The following FLRT2 variants were observed in gnomAD, a reference collection of about 807,000 sequenced individuals.
The protein encoded by FLRT2 is leucine-rich repeat transmembrane protein FLRT2.
Under a neutral mutation model 40.0 loss-of-function variants are expected in FLRT2, and 15 were observed. That is an observed-to-expected ratio of 0.38 (90% confidence interval 0.25 to 0.58). The LOEUF is 0.58. Ranked by LOEUF, FLRT2 falls within the 20% of genes least tolerant of loss-of-function variation. FLRT2 has a pLI of 0.71. For synonymous variants in FLRT2, 380 were observed against 336.8 expected, an observed-to-expected ratio of 1.13 and a Z score of -1.41; for missense variants, 726 against 840.0, an observed-to-expected ratio of 0.86 and a Z score of 1.68.
At chr14:85,552,860 G>A (rs1013404674) in intron 1 of FLRT2, 1 of 152,004 alleles carries the variant, frequency 6.6e-6, no homozygotes, top group Admixed American at 6.6e-5. Flanking sequence ...AATGACTTTT[G>A]TTGCTCATGT....
In FLRT2 at chr14:85,623,071, G is replaced by A. The variant is rs1164079411; in HGVS notation, c.1557G>A (p.Leu519=). 1.9e-6 allele frequency: 3 copies of A among 1,614,154 alleles called. No homozygotes were observed. Among genetic ancestry groups the A allele is most frequent in the African/African-American group, 2.7e-5 (2 of 75,034 alleles). The change falls in exon 2 of 2, where the codon CTG becomes CTA. Residue 519 remains leucine, a synonymous_variant. Coordinates refer to ENST00000330753, the MANE Select transcript of FLRT2 (RefSeq NM_013231.6). ...CSEATTHASY[L]NNGSNTASSH... ...AGGCCACCACCCATGCCTCCTATCT[G>A]AACAACGGCAGCAACACAGCGTCCA...
chr14:85,648,011 T>C lies in FLRT2; in HGVS notation c.*24514T>C, dbSNP rs1452372269. ...TACTGACTTTTTACCTCTTTCTTTTTCCCTACAATTTTATAAAAATGGTGA... is the reference window on the plus strand; with the variant it reads ...TACTGACTTTTTACCTCTTTCTTTTCCCCTACAATTTTATAAAAATGGTGA... On this transcript the variant is annotated 3_prime_UTR_variant, in exon 2 of 2. Coordinates refer to ENST00000330753, the MANE Select transcript of FLRT2 (RefSeq NM_013231.6). The C allele has an allele frequency of 1.3e-5, 2 of 152,126 alleles. No individual in the cohort carries two copies. The highest frequency in any genetic ancestry group is 4.8e-5 in the African/African-American group (2 of 41,418). 9.4% of individuals were successfully genotyped at this position (152,126 alleles called of 1,614,324 possible).
At chr14:85,606,668 G>A (rs1349526468) in intron 1 of FLRT2, among the ~76,000 whole-genome samples, 1 of 151,140 alleles carries the variant, frequency 6.6e-6, no homozygotes, top group African/African-American at 2.4e-5. Context: ...TGGATTACAG[G>A]CACGCACCAC....
intron 1 of FLRT2, among the ~76,000 whole-genome samples, chr14:85,546,862 C>A (rs1461878422): frequency 6.6e-6 from 1 of 152,138 alleles, no homozygotes; most frequent in Non-Finnish European, 1.5e-5. Context: ...CCAATAAAGT[C>A]CTACTTGTGC....
Position 85,622,410 on chromosome 14 carries a change from T to C in FLRT2, c.896T>C (p.Leu299Pro). 1 of 1,614,090 alleles carries C rather than the reference T, an allele frequency of 6.2e-7. No homozygotes were observed. The highest frequency in any genetic ancestry group is 8.5e-7 in the Non-Finnish European group (1 of 1,180,020). Residue 299 changes from leucine to proline, a missense_variant, in exon 2 of 2, where the codon CTC becomes CCC. Leu to Pro is a moderately conservative substitution (Grantham distance 98, BLOSUM62 -3). Coordinates refer to ENST00000330753, the MANE Select transcript of FLRT2 (RefSeq NM_013231.6). ...RMLTQGVFDN[L>P]SNLKQLTARN... ...CTGACTCAAGGGGTTTTTGATAATCTCTCCAACCTGAAGCAGCTCACTGCT... is the reference window on the plus strand; with the variant it reads ...CTGACTCAAGGGGTTTTTGATAATCCCTCCAACCTGAAGCAGCTCACTGCT...
At chr14:85,530,818 C>T (rs1177353783) in intron 1 of FLRT2, among the ~76,000 whole-genome samples, 1 of 152,102 alleles carries the variant, frequency 6.6e-6, no homozygotes, top group East Asian at 1.9e-4. Context: ...CTGGTAGATG[C>T]ATCGATGCTA....
Position 85,631,273 on chromosome 14 carries a change from G to C in FLRT2, c.*7776G>C, listed in dbSNP as rs977691710. On this transcript the variant is annotated 3_prime_UTR_variant, in exon 2 of 2. Coordinates refer to ENST00000330753, the MANE Select transcript of FLRT2 (RefSeq NM_013231.6). Reference sequence around the variant, plus strand: ...TTTGTCCTTTAAGATACAAGTCAAAGACCTCTCTTCCAAAGCCGCTGGAAT... The same window carrying C: ...TTTGTCCTTTAAGATACAAGTCAAACACCTCTCTTCCAAAGCCGCTGGAAT... The C allele has an allele frequency of 7.3e-5, 11 of 151,558 alleles. No individual in the cohort carries two copies. The highest frequency in any genetic ancestry group is 2.4e-4 in the African/African-American group (10 of 41,128). The allele number at this position is 151,558 out of a possible 1,614,324, so 9.4% of individuals were successfully genotyped here.
chr14:85,536,507 C>G (rs1888667721), intron 1 of FLRT2, among the ~76,000 whole-genome samples: 1 of 152,102 alleles, frequency 6.6e-6, no homozygotes. Flanking sequence ...GGATAATCAT[C>G]TTTTGATATC....
Position 85,621,186 on chromosome 14 carries a change from G to A in FLRT2, c.-329G>A. ...GAAGTTCGTAGGCTAATCAAGGCTG[G>A]CTTGACCTACAAAAGAAGAAGAGAG... On this transcript the variant is annotated 5_prime_UTR_variant, in exon 2 of 2. Transcript: ENST00000330753. The A allele has an allele frequency of 2.9e-6, 1 of 346,212 alleles. No homozygotes were observed. The highest frequency in any genetic ancestry group is 5.2e-6 in the Non-Finnish European group (1 of 190,960). 21.4% of individuals were successfully genotyped at this position (346,212 alleles called of 1,614,324 possible). A position where few individuals can be genotyped will look rare whatever the true frequency, so the allele number is the denominator to read the frequency against.
At chr14:85,548,543 A>G (rs1395915778) in intron 1 of FLRT2, among the ~76,000 whole-genome samples, 1 of 152,220 alleles carries the variant, frequency 6.6e-6, no homozygotes, top group Non-Finnish European at 1.5e-5. Context: ...TGATAGCCAA[A>G]TTAATTGTGC....
At chr14:85,613,937 T>G (rs1893009402) in intron 1 of FLRT2, among the ~76,000 whole-genome samples, 1 of 152,316 alleles carries the variant, frequency 6.6e-6, no homozygotes, top group African/African-American at 2.4e-5. Flanking sequence ...AAGTAAAAGT[T>G]GATGGATTCA....
At position 85,543,929 on chromosome 14, in the gene FLRT2, G is replaced by A. The variant is rs557693335; in HGVS notation, c.-377+13395G>A. ...ATGTGTCTGCTTACATGTCTATCTC[G>A]CTCATTAGACTTTAGGAACTTTGGC... is the stretch of plus-strand genomic sequence containing the variant. On this transcript the variant is annotated intron_variant, in intron 1 of 1. Coordinates refer to ENST00000330753, the MANE Select transcript of FLRT2 (RefSeq NM_013231.6). Among the ~76,000 whole-genome samples the A allele has an allele frequency of 4.0e-5, 6 of 151,892 alleles. No homozygotes were observed. In the East Asian group the frequency reaches 5.8e-4, roughly 15 times the overall value.
Position 85,645,002 on chromosome 14 carries a change from C to A in FLRT2, c.*21505C>A, listed in dbSNP as rs1186771230. On this transcript the variant is annotated 3_prime_UTR_variant, in exon 2 of 2. Coordinates refer to ENST00000330753, the MANE Select transcript of FLRT2 (RefSeq NM_013231.6). ...CTTGTGAGGGACAGTTCTTGTCTTGCTAATAGAAATAGATGCCGAAAGAGG... is the reference window on the plus strand; with the variant it reads ...CTTGTGAGGGACAGTTCTTGTCTTGATAATAGAAATAGATGCCGAAAGAGG... The A allele has an allele frequency of 6.6e-6, 1 of 152,028 alleles. No individual in the cohort carries two copies. The highest frequency in any genetic ancestry group is 2.4e-5 in the African/African-American group (1 of 41,388). 9.4% of individuals were successfully genotyped at this position (152,028 alleles called of 1,614,324 possible). A position where few individuals can be genotyped will look rare whatever the true frequency, so the allele number is the denominator to read the frequency against.
rs1427636834 is a variant in FLRT2, at chr14:85,635,532, T to C, written c.*12035T>C. The stretch of plus-strand genomic sequence containing the variant: ...AAATTGTTTATTAAAATATTAAATA[T>C]TTTATGTTTTCAAGCCATTATATAA... On this transcript the variant is annotated 3_prime_UTR_variant, in exon 2 of 2. Transcript: ENST00000330753. The C allele has an allele frequency of 6.6e-6, 1 of 152,078 alleles. No homozygotes were observed. The highest frequency in any genetic ancestry group is 1.5e-5 in the Non-Finnish European group (1 of 67,974). The allele number at this position is 152,078 out of a possible 1,614,324, so 9.4% of individuals were successfully genotyped here.
chr14:85,594,950 T>C (rs1196065797), intron 1 of FLRT2, among the ~76,000 whole-genome samples: 2 of 152,060 alleles, frequency 1.3e-5, no homozygotes, highest in Non-Finnish European at 1.5e-5. Context: ...ATTAAGGAAA[T>C]TGTAAGGAAA....
Position 85,637,951 on chromosome 14 carries a change from G to T in FLRT2, c.*14454G>T. 6.6e-6 allele frequency: 1 copy of T among 152,120 alleles called. No homozygotes were observed. Among genetic ancestry groups the T allele is most frequent in the East Asian group, 1.9e-4 (1 of 5,192 alleles). The allele number at this position is 152,120 out of a possible 1,614,324, so 9.4% of individuals were successfully genotyped here. On this transcript the variant is annotated 3_prime_UTR_variant, in exon 2 of 2. Coordinates refer to ENST00000330753, the MANE Select transcript of FLRT2 (RefSeq NM_013231.6). ...ACTCTGCTCCACCATCCTCCACTGT[G>T]CTTGAAATGCCTATCATTATCCTTA...
At chr14:85,536,730 T>G (rs1888685091) in intron 1 of FLRT2, among the ~76,000 whole-genome samples, 1 of 151,744 alleles carries the variant, frequency 6.6e-6, no homozygotes, top group African/African-American at 2.4e-5. Flanking sequence ...TCTGGATATT[T>G]CAGTTTACCT....
rs761661515 is a variant in FLRT2, at chr14:85,623,496, G to T, written c.1982G>T (p.Ter661LeuextTer15). Residue 661 changes from the stop codon to leucine (L), a stop_lost, in exon 2 of 2, where the codon TGA (stop) becomes TTA (leucine). Coordinates refer to ENST00000330753, the MANE Select transcript of FLRT2 (RefSeq NM_013231.6). ...SVPDLEHCHT[*>L] ...CCAGACCTGGAGCACTGCCATACGT[G>T]ACAGCCAGAGGCCCAGCGTTATCAA... is the stretch of plus-strand genomic sequence containing the variant. 1.4e-6 allele frequency: 2 copies of T among 1,425,676 alleles called. No homozygotes were observed. Among genetic ancestry groups the T allele is most frequent in the Admixed American group, 5.4e-5 (2 of 37,048 alleles). 88.3% of individuals were successfully genotyped at this position (1,425,676 alleles called of 1,614,324 possible). A position where few individuals can be genotyped will look rare whatever the true frequency, so the allele number is the denominator to read the frequency against.
intron 1 of FLRT2, among the ~76,000 whole-genome samples, chr14:85,577,324 T>C (rs1891161518): frequency 6.6e-6 from 1 of 152,216 alleles, no homozygotes; most frequent in Non-Finnish European, 1.5e-5. Context: ...ATGATTCATT[T>C]TAGATGACAA....
Sources: gnomAD v4.1 joint callset for allele counts (sites outside exome capture counted in the v4.1 genomes callset) on GRCh38, gnomAD v4.1.1 for gene constraint, MANE v1.5 for transcripts, NCBI Gene and HGNC (gene_info 2026-07-23, HGNC 2026-07-21) for gene names.